SPOP: variants seen among roughly 807,000 people sequenced by gnomAD.
SPOP encodes speckle type BTB/POZ protein.
SPOP carries 11 observed loss-of-function variants against 45.6 expected under a neutral mutation model. That is an observed-to-expected ratio of 0.24 (90% CI 0.15 to 0.40). The LOEUF (loss-of-function observed/expected upper bound fraction) is 0.40, where lower values mean the gene tolerates loss of function less well. SPOP is among the 10% of genes least tolerant of loss of function. The pLI is 1.00. For synonymous variants in SPOP, 166 were observed against 166.3 expected, an observed-to-expected ratio of 1.00 and a Z score of 0.01; for missense variants, 152 against 465.6, an observed-to-expected ratio of 0.33 and a Z score of 6.20.
intron 1 of SPOP, among the ~76,000 whole-genome samples, chr17:49,630,414 T>C (rs1460745236): frequency 6.6e-6 from 1 of 152,210 alleles, no homozygotes; most frequent in East Asian, 1.9e-4. Context: ...ATGAGTAAAC[T>C]TTCTGCAGTT....
In SPOP at chr17:49,599,506, G is replaced by GTGT. The variant is rs1555571483; in HGVS notation, c.*871_*872insACA. On this transcript the variant is annotated 3_prime_UTR_variant, in exon 10 of 10. Coordinates refer to ENST00000504102, the MANE Select transcript of SPOP (RefSeq NM_001007228.2). ...CTTTTGTTCTGTTTTTGTTTTGTGT[G>GTGT]TTTTTTTTTTTGTTTGTTTTTTAGA... is the stretch of plus-strand genomic sequence containing the variant. The GTGT allele has an allele frequency of 2.2e-5, 4 of 183,780 alleles. No individual in the cohort carries two copies. The highest frequency in any genetic ancestry group is 4.3e-5 in the Non-Finnish European group (4 of 93,836). The allele number at this position is 183,780 out of a possible 1,614,324, so 11.4% of individuals were successfully genotyped here.
intron 5 of SPOP, among the ~76,000 whole-genome samples, chr17:49,615,516 T>A (rs74771224): frequency 0.029 from 4,380 of 152,016 alleles, 209 homozygotes; most frequent in African/African-American, 0.1. Context: ...TTATTTATTT[T>A]TTAACAGACA....
chr17:49,607,321 A>G lies in SPOP; in HGVS notation c.766T>C (p.Cys256Arg). 6.2e-7 allele frequency: 1 copy of G among 1,614,104 alleles called. No individual in the cohort carries two copies. The highest frequency in any genetic ancestry group is 8.5e-7 in the Non-Finnish European group (1 of 1,179,966). Residue 256 changes from cysteine to arginine, a missense_variant, in exon 8 of 10, where the codon TGC (cysteine) becomes CGC (arginine). Cys to Arg is a radical substitution (Grantham distance 180). Transcript: ENST00000504102. ...GGAGCCTTCCCCGTGTAAATGAAGC[A>G]CATCATTTCCTTAAAAACTTCAGGC... Reference protein sequence around the residue: ...VEPEVFKEMMCFIYTGKAPNL... With the variant: ...VEPEVFKEMMRFIYTGKAPNL...
chr17:49,631,645 T>G (rs966701998), intron 1 of SPOP, among the ~76,000 whole-genome samples: 1 of 152,208 alleles, frequency 6.6e-6, no homozygotes, highest in South Asian at 2.1e-4. Context: ...CTTTTCATCA[T>G]GACCACCATG....
intron 1 of SPOP, among the ~76,000 whole-genome samples, chr17:49,677,136 A>G (rs1296112353): frequency 6.6e-6 from 1 of 152,226 alleles, no homozygotes; most frequent in African/African-American, 2.4e-5. Context: ...TGCCTCACTT[A>G]GTTCCATTTA....
intron 7 of SPOP, 23 bp downstream of exon 7, chr17:49,607,851 C>A: frequency 6.2e-7 from 1 of 1,605,388 alleles, no homozygotes; most frequent in Non-Finnish European, 8.5e-7. Context: ...GCTAAACAGA[C>A]ATGTCTTCAT....
chr17:49,618,795 G>A (rs2072146174), intron 5 of SPOP, among the ~76,000 whole-genome samples, 186 bp downstream of exon 5: 1 of 152,174 alleles, frequency 6.6e-6, no homozygotes, highest in Non-Finnish European at 1.5e-5. Flanking sequence ...GTAACAAGTG[G>A]AAAGCTGAGA....
intron 1 of SPOP, among the ~76,000 whole-genome samples, chr17:49,633,691 T>G (rs1406227708): frequency 6.6e-6 from 1 of 152,204 alleles, no homozygotes; most frequent in Non-Finnish European, 1.5e-5. Flanking sequence ...GCAATGTATC[T>G]CTGCTCCAAA....
chr17:49,676,920 A>C (rs1421200999), intron 1 of SPOP, among the ~76,000 whole-genome samples: 2 of 152,184 alleles, frequency 1.3e-5, no homozygotes, highest in East Asian at 3.8e-4. Context: ...ACCTCCACTG[A>C]ATAAGTTATT....
At chr17:49,627,690 C>A (rs1032808801) in intron 1 of SPOP, among the ~76,000 whole-genome samples, 3 of 152,154 alleles carry the variant, frequency 2.0e-5, no homozygotes, top group African/African-American at 7.2e-5. Flanking sequence ...TATTTTAATG[C>A]CTTAATTGTT....
chr17:49,621,384 C>A (rs1315537894), intron 3 of SPOP, among the ~76,000 whole-genome samples: 1 of 152,254 alleles, frequency 6.6e-6, no homozygotes, highest in East Asian at 1.9e-4. Flanking sequence ...TGTTCTTACT[C>A]TAACTACTGG....
At chr17:49,623,695 C>A (rs949295768) in intron 1 of SPOP, among the ~76,000 whole-genome samples, 2 of 152,100 alleles carry the variant, frequency 1.3e-5, no homozygotes, top group African/African-American at 4.8e-5. Context: ...TAGATGTATT[C>A]CTTTCTCTGC....
intron 8 of SPOP, among the ~76,000 whole-genome samples, chr17:49,606,130 C>T (rs1002319419): frequency 6.6e-6 from 1 of 151,706 alleles, no homozygotes; most frequent in Non-Finnish European, 1.5e-5. Flanking sequence ...AGTTGTTATA[C>T]TATTTTGGTT....
Position 49,599,582 on chromosome 17 carries a change from T to C in SPOP, c.*796A>G. 2 of 216,644 alleles carry C rather than the reference T, an allele frequency of 9.2e-6. No homozygotes were observed. The highest frequency in any genetic ancestry group is 1.9e-5 in the Non-Finnish European group (2 of 107,536). The allele number at this position is 216,644 out of a possible 1,614,324, so 13.4% of individuals were successfully genotyped here. A position where few individuals can be genotyped will look rare whatever the true frequency, so the allele number is the denominator to read the frequency against. ...AATCAGAGAAAAATGCCCAAAAACA[T>C]TTTCCACAATATCTAAAAACAGAGA... On this transcript the variant is annotated 3_prime_UTR_variant, in exon 10 of 10. Transcript: ENST00000504102.
chr17:49,606,488 CTTTTTTCT>C (rs1387584532), intron 8 of SPOP, among the ~76,000 whole-genome samples: 75 of 115,474 alleles, frequency 6.5e-4, no homozygotes, highest in Non-Finnish European at 9.5e-4. Context: ...TTTCTTGTTT[CTTTTTTCT>C]TTTTTTTTTT....
intron 1 of SPOP, among the ~76,000 whole-genome samples, chr17:49,657,515 C>A (rs897862215): frequency 6.6e-6 from 1 of 151,274 alleles, no homozygotes; most frequent in Non-Finnish European, 1.5e-5. Context: ...TCTCCTGCCT[C>A]GGCCTCTCGA....
At chr17:49,647,475 TA>T (rs2072779661) in intron 1 of SPOP, among the ~76,000 whole-genome samples, 1 of 152,086 alleles carries the variant, frequency 6.6e-6, no homozygotes. Context: ...TTATTTTTTT[TA>T]AATTTTTTTA....
intron 1 of SPOP, among the ~76,000 whole-genome samples, chr17:49,667,071 G>A (rs1392585970): frequency 3.3e-5 from 5 of 151,620 alleles, no homozygotes; most frequent in African/African-American, 7.3e-5. Flanking sequence ...CCAGCTACTC[G>A]GGAGGCAGAG....
intron 1 of SPOP, among the ~76,000 whole-genome samples, chr17:49,654,641 C>A (rs547302975): frequency 2.0e-5 from 3 of 152,038 alleles, no homozygotes; most frequent in Admixed American, 6.6e-5. Context: ...AAAAATTAGC[C>A]GGGCGTGGTG....
Sources: gnomAD v4.1 joint callset for allele counts (sites outside exome capture counted in the v4.1 genomes callset) on GRCh38, gnomAD v4.1.1 for gene constraint, MANE v1.5 for transcripts, NCBI Gene and HGNC (gene_info 2026-07-23, HGNC 2026-07-21) for gene names.